Variants in SLC2A13 observed in about 807,000 individuals in gnomAD.
The protein encoded by SLC2A13 is proton myo-inositol cotransporter.
Under a neutral mutation model 64.4 loss-of-function variants are expected in SLC2A13, and 32 were observed. That is an observed-to-expected ratio of 0.50 (90% CI 0.37 to 0.67). The LOEUF is 0.67. Among genes scored for constraint, SLC2A13 ranks in the 30% least tolerant of loss-of-function variants. The pLI is 0.00. For missense variants in SLC2A13, 743 were observed against 829.2 expected (o/e 0.90, Z 1.28); for synonymous variants, 338 against 327.1 (o/e 1.03, Z -0.36).
intron 3 of SLC2A13, among the ~76,000 whole-genome samples, chr12:40,014,248 T>G (rs1293299350): frequency 6.6e-6 from 1 of 152,210 alleles, no homozygotes; most frequent in Admixed American, 6.5e-5. Flanking sequence ...AACTGTATGC[T>G]AATTAAGTCA....
intron 1 of SLC2A13, among the ~76,000 whole-genome samples, chr12:40,057,032 G>C (rs1468106781): frequency 6.6e-6 from 1 of 151,964 alleles, no homozygotes; most frequent in Non-Finnish European, 1.5e-5. Context: ...AGAGCCATGA[G>C]GAGGGAATCA....
intron 1 of SLC2A13, among the ~76,000 whole-genome samples, chr12:40,090,785 C>T (rs1255979159): frequency 2.0e-5 from 3 of 152,014 alleles, no homozygotes. Flanking sequence ...GGGTTCTTAC[C>T]TCCCCAGCCT....
intron 1 of SLC2A13, among the ~76,000 whole-genome samples, chr12:40,104,715 A>T (rs1939246014): frequency 6.6e-6 from 1 of 152,268 alleles, no homozygotes; most frequent in African/African-American, 2.4e-5. Flanking sequence ...AATGCTAGAT[A>T]AGCAAAGAGG....
At chr12:39,943,405 A>G (rs564505052) in intron 4 of SLC2A13, among the ~76,000 whole-genome samples, 1 of 152,302 alleles carries the variant, frequency 6.6e-6, no homozygotes, top group South Asian at 2.1e-4. Flanking sequence ...AGTTTGATCT[A>G]TAAGGCCCTG....
At chr12:39,953,596 C>A (rs1176389914) in intron 3 of SLC2A13, among the ~76,000 whole-genome samples, 2 of 152,082 alleles carry the variant, frequency 1.3e-5, no homozygotes, top group Admixed American at 6.6e-5. Flanking sequence ...TAAAACATTT[C>A]TTTTGCTTTT....
At chr12:39,852,782 C>T (rs1943504804) in intron 6 of SLC2A13, among the ~76,000 whole-genome samples, 1 of 152,124 alleles carries the variant, frequency 6.6e-6, no homozygotes, top group Admixed American at 6.5e-5. Context: ...CTCCTGAAAC[C>T]AATCAGATTG....
At chr12:40,041,579 A>G (rs17489191) in intron 2 of SLC2A13, among the ~76,000 whole-genome samples, 96 of 152,346 alleles carry the variant, frequency 6.3e-4, no homozygotes, top group Admixed American at 1.7e-3. Context: ...TCAGGACAGG[A>G]GGAGCACTTC....
intron 3 of SLC2A13, among the ~76,000 whole-genome samples, chr12:39,961,597 C>T (rs1591953272): frequency 6.6e-6 from 1 of 152,104 alleles, no homozygotes; most frequent in Non-Finnish European, 1.5e-5. Flanking sequence ...CTTCTGGACT[C>T]GAGCAATCCT....
chr12:39,987,590 A>T (rs557298029), intron 3 of SLC2A13, among the ~76,000 whole-genome samples: 7 of 152,334 alleles, frequency 4.6e-5, no homozygotes, highest in Admixed American at 2.0e-4. Flanking sequence ...AGCATGTAGA[A>T]GGTACCTGAG....
chr12:39,956,609 CA>C (rs1946317784), intron 3 of SLC2A13, among the ~76,000 whole-genome samples: 1 of 152,052 alleles, frequency 6.6e-6, no homozygotes, highest in Non-Finnish European at 1.5e-5. Context: ...AGTAAGAACA[CA>C]AGGGGGTTAT....
chr12:39,847,738 G>T (rs574468761), intron 6 of SLC2A13, among the ~76,000 whole-genome samples: 27 of 152,050 alleles, frequency 1.8e-4, no homozygotes, highest in African/African-American at 6.0e-4. Flanking sequence ...TTAAGCCACT[G>T]TTATTTTGGG....
chr12:39,929,776 C>T (rs1429891052), intron 4 of SLC2A13, among the ~76,000 whole-genome samples: 1 of 151,762 alleles, frequency 6.6e-6, no homozygotes, highest in East Asian at 1.9e-4. Flanking sequence ...TTTACAGCTC[C>T]ACTGAAAAGT....
intron 3 of SLC2A13, among the ~76,000 whole-genome samples, chr12:40,010,467 A>T (rs1327923278): frequency 2.6e-5 from 4 of 152,198 alleles, no homozygotes; most frequent in Non-Finnish European, 5.9e-5. Flanking sequence ...AGCCTGGATC[A>T]GCTGACTAAA....
intron 7 of SLC2A13, among the ~76,000 whole-genome samples, chr12:39,815,188 C>G (rs1942306246): frequency 6.6e-6 from 1 of 152,262 alleles, no homozygotes; most frequent in East Asian, 1.9e-4. Flanking sequence ...CAGAGCTAAG[C>G]TTCCCATTGA....
intron 4 of SLC2A13, among the ~76,000 whole-genome samples, chr12:39,923,120 T>C (rs916488963): frequency 6.6e-6 from 1 of 152,166 alleles, no homozygotes; most frequent in Non-Finnish European, 1.5e-5. Context: ...TTAGATAAGC[T>C]AGTCTTATCA....
intron 1 of SLC2A13, among the ~76,000 whole-genome samples, chr12:40,048,722 G>A (rs1948206545): frequency 6.6e-6 from 1 of 151,982 alleles, no homozygotes; most frequent in Non-Finnish European, 1.5e-5. Context: ...TATTCAATTG[G>A]CTAGGTATAC....
intron 6 of SLC2A13, among the ~76,000 whole-genome samples, chr12:39,853,520 CA>C (rs1943524085): frequency 6.6e-6 from 1 of 151,994 alleles, no homozygotes; most frequent in African/African-American, 2.4e-5. Flanking sequence ...CTAAGCTGGG[CA>C]ACATTTTTTT....
At chr12:40,035,633 T>C (rs774705990) in intron 2 of SLC2A13, among the ~76,000 whole-genome samples, 2 of 152,168 alleles carry the variant, frequency 1.3e-5, no homozygotes, top group Non-Finnish European at 2.9e-5. Context: ...GCAGGTAATA[T>C]ATGATCCGCA....
intron 2 of SLC2A13, among the ~76,000 whole-genome samples, chr12:40,041,076 C>T (rs1468257041): frequency 1.3e-5 from 2 of 152,110 alleles, no homozygotes; most frequent in Non-Finnish European, 2.9e-5. Context: ...CCTCAGCCTC[C>T]CGAGTAACTG....
Sources: gnomAD v4.1 joint callset for allele counts (sites outside exome capture counted in the v4.1 genomes callset) on GRCh38, gnomAD v4.1.1 for gene constraint, MANE v1.5 for transcripts, NCBI Gene and HGNC (gene_info 2026-07-23, HGNC 2026-07-21) for gene names.